The following AFF1 variants were observed in gnomAD, a reference collection of about 807,000 sequenced individuals.
The protein encoded by AFF1 is AF4/FMR2 family member 1.
In AFF1, 48 loss-of-function variants were observed where a neutral mutation model predicts 121.7. That is an observed-to-expected ratio of 0.39 (90% CI 0.31 to 0.50). The LOEUF is 0.50. Ranked by LOEUF, AFF1 falls within the 20% of genes least tolerant of loss-of-function variation. The probability of loss-of-function intolerance (pLI) is 0.76; values close to 1 mark genes in which losing one functional copy is unlikely to be tolerated. For missense variants in AFF1, 1,523 were observed against 1,511.7 expected (o/e 1.01, Z -0.12); for synonymous variants, 613 against 563.0 (o/e 1.09, Z -1.26).
intron 2 of AFF1, among the ~76,000 whole-genome samples, chr4:86,983,711 ATGAAAAACC>A: frequency 1.4e-5 from 2 of 147,102 alleles, no homozygotes; most frequent in South Asian, 2.1e-4. Context: ...TCTGTCTCAA[ATGAAAAACC>A]AAAAAAAAAA....
At chr4:87,045,497 T>C (rs1473952901) in intron 2 of AFF1, among the ~76,000 whole-genome samples, 1 of 152,116 alleles carries the variant, frequency 6.6e-6, no homozygotes, top group Non-Finnish European at 1.5e-5. Context: ...GGATACATTT[T>C]TATGTGTTTT....
Position 87,126,159 on chromosome 4 carries a change from C to G in AFF1, c.2634C>G (p.Ser878=). The G allele has an allele frequency of 6.2e-7, 1 of 1,614,186 alleles. No individual in the cohort carries two copies. Among genetic ancestry groups the G allele is most frequent in the Non-Finnish European group, 8.5e-7 (1 of 1,180,024 alleles). The change falls in exon 14 of 21, where the codon TCC becomes TCG. Residue 878 remains serine (S), a synonymous_variant. Coordinates refer to ENST00000395146, the MANE Select transcript of AFF1 (RefSeq NM_001166693.3). ...AAATGCTCCCCCCGCCACCCGTGTC[C>G]TCGTCCTCCCAGAAGCCAGCCAAGC... ...KKEMLPPPPV[S]SSSQKPAKPA...
At chr4:87,028,153 A>C (rs1384459864) in intron 2 of AFF1, among the ~76,000 whole-genome samples, 1 of 152,200 alleles carries the variant, frequency 6.6e-6, no homozygotes, top group Non-Finnish European at 1.5e-5. Context: ...AGTCTGTATT[A>C]ACATTTTATT....
chr4:86,973,299 C>T (rs975250860), intron 2 of AFF1, among the ~76,000 whole-genome samples: 2 of 152,000 alleles, frequency 1.3e-5, no homozygotes, highest in African/African-American at 2.4e-5. Context: ...ATCCCATGCC[C>T]GTTAACACCT....
At chr4:87,056,494 C>T (rs901517938) in intron 4 of AFF1, among the ~76,000 whole-genome samples, 1 of 152,122 alleles carries the variant, frequency 6.6e-6, no homozygotes, top group African/African-American at 2.4e-5. Context: ...AAATAGAATT[C>T]TATGGTATAA....
intron 4 of AFF1, among the ~76,000 whole-genome samples, chr4:87,067,090 T>C (rs1440899546): frequency 6.6e-6 from 1 of 152,204 alleles, no homozygotes; most frequent in Non-Finnish European, 1.5e-5. Flanking sequence ...TCAGAGGACA[T>C]TTTCACAGAG....
At chr4:86,996,100 T>G (rs1725162352) in intron 2 of AFF1, among the ~76,000 whole-genome samples, 1 of 147,572 alleles carries the variant, frequency 6.8e-6, no homozygotes, top group African/African-American at 2.5e-5. Context: ...GGGAGGGAGG[T>G]GGGGGGGTCA....
chr4:86,967,398 C>T (rs1017273102), intron 2 of AFF1, among the ~76,000 whole-genome samples: 16 of 152,144 alleles, frequency 1.1e-4, no homozygotes, highest in Non-Finnish European at 1.5e-4. Flanking sequence ...GCAGAGAGCA[C>T]CAGGTCAGGA....
At chr4:87,133,802 A>T (rs1026520531) in intron 19 of AFF1, among the ~76,000 whole-genome samples, 1 of 152,190 alleles carries the variant, frequency 6.6e-6, no homozygotes, top group African/African-American at 2.4e-5. Flanking sequence ...TTTAGTCCAC[A>T]TTGAGTCACA....
At chr4:87,054,605 T>C (rs1464818736) in intron 4 of AFF1, among the ~76,000 whole-genome samples, 1 of 152,198 alleles carries the variant, frequency 6.6e-6, no homozygotes, top group East Asian at 1.9e-4. Context: ...GACCTAAATG[T>C]GTTAGGAAAT....
intron 13 of AFF1, 87 bp from the exon 14 acceptor site, chr4:87,126,012 G>A (rs1728203812): frequency 2.3e-6 from 3 of 1,327,068 alleles, no homozygotes; most frequent in Non-Finnish European, 3.2e-6. Flanking sequence ...CTACTCTTTT[G>A]TGCCAGCAGC....
At chr4:87,080,119 G>A (rs1324653869) in intron 4 of AFF1, among the ~76,000 whole-genome samples, 1 of 152,142 alleles carries the variant, frequency 6.6e-6, no homozygotes, top group Non-Finnish European at 1.5e-5. Context: ...TGGGAGGTTG[G>A]TCTACATACA....
chr4:87,120,573 C>T (rs1408241229), intron 12 of AFF1, among the ~76,000 whole-genome samples: 3 of 152,244 alleles, frequency 2.0e-5, no homozygotes, highest in Non-Finnish European at 4.4e-5. Flanking sequence ...CATGTGTTTT[C>T]TCCGTACAAG....
At chr4:86,986,035 CAATTCAATTTAATTT>C (rs1246075435) in intron 2 of AFF1, among the ~76,000 whole-genome samples, 8,785 of 137,646 alleles carry the variant, frequency 0.064, 465 homozygotes, top group African/African-American at 0.15. Context: ...AAATTTAATT[CAATTCAATTTAATTT>C]AATTTAATTT....
At chr4:87,116,229 C>A (rs150927465) in intron 12 of AFF1, among the ~76,000 whole-genome samples, 2 of 152,146 alleles carry the variant, frequency 1.3e-5, no homozygotes, top group Admixed American at 1.3e-4. Context: ...TTGGAAGATT[C>A]TTTTGGATAC....
At chr4:86,948,992 C>T (rs2149450271) in intron 2 of AFF1, among the ~76,000 whole-genome samples, 1 of 152,140 alleles carries the variant, frequency 6.6e-6, no homozygotes, top group South Asian at 2.1e-4. Context: ...CACATCTCTC[C>T]CTCCAACTCT....
At chr4:87,096,385 C>G (rs1332806401) in intron 8 of AFF1, among the ~76,000 whole-genome samples, 2 of 139,306 alleles carry the variant, frequency 1.4e-5, no homozygotes, top group Non-Finnish European at 3.1e-5. Context: ...CAGGGACACA[C>G]CCGGCTTTTT....
At chr4:87,086,493 G>A (rs1416054744) in intron 5 of AFF1, among the ~76,000 whole-genome samples, 1 of 152,186 alleles carries the variant, frequency 6.6e-6, no homozygotes, top group African/African-American at 2.4e-5. Flanking sequence ...AGTGGTTAAT[G>A]TATAAATCAT....
chr4:87,038,596 C>T (rs1043427872), intron 2 of AFF1, among the ~76,000 whole-genome samples: 2 of 152,172 alleles, frequency 1.3e-5, no homozygotes, highest in African/African-American at 4.8e-5. Flanking sequence ...ACCCTAGCAT[C>T]CTGTCTTTTT....
Sources: gnomAD v4.1 joint callset for allele counts (sites outside exome capture counted in the v4.1 genomes callset) on GRCh38, gnomAD v4.1.1 for gene constraint, MANE v1.5 for transcripts, NCBI Gene and HGNC (gene_info 2026-07-23, HGNC 2026-07-21) for gene names.